The following ABCC9 variants were observed in gnomAD, a reference collection of about 807,000 sequenced individuals.
ABCC9 encodes ATP binding cassette subfamily C member 9, also known as ATP-binding cassette sub-family C member 9.
A neutral mutation model predicts 188.3 loss-of-function variants in ABCC9; 95 were observed. The ratio of observed to expected loss-of-function variants is 0.50; its 90% CI spans 0.43 to 0.60. The LOEUF (loss-of-function observed/expected upper bound fraction) is 0.60, where lower values mean the gene tolerates loss of function less well. Ranked by LOEUF, ABCC9 falls within the 20% of genes least tolerant of loss-of-function variation. The pLI is 0.00. For synonymous variants in ABCC9, 659 were observed against 652.7 expected (o/e 1.01, Z -0.15); for missense variants, 1,102 against 1,876.3 (o/e 0.59, Z 7.62).
intron 13 of ABCC9, among the ~76,000 whole-genome samples, 153 bp from the exon 14 acceptor site, chr12:21,894,327 A>G (rs1947302442): frequency 6.6e-6 from 1 of 152,218 alleles, no homozygotes. Context: ...AATTAAAACA[A>G]TACTTGCTTT....
chr12:21,928,388 AGAGGAAGGGAGG>A (rs1323774269), intron 4 of ABCC9, among the ~76,000 whole-genome samples: 1 of 144,982 alleles, frequency 6.9e-6, no homozygotes, highest in African/African-American at 2.6e-5. Context: ...GAGAAAGAAA[AGAGGAAGGGAGG>A]GAGGGAGGAA....
At chr12:21,894,256 T>C in intron 13 of ABCC9, 82 bp from the exon 14 acceptor site, 1 of 1,455,050 alleles carries the variant, frequency 6.9e-7, no homozygotes, top group Non-Finnish European at 9.6e-7. Flanking sequence ...ACCTAACATA[T>C]TCTGCTATGC....
chr12:21,928,902 G>C (rs1484483609), intron 4 of ABCC9, among the ~76,000 whole-genome samples: 1 of 152,096 alleles, frequency 6.6e-6, no homozygotes, highest in Admixed American at 6.6e-5. Context: ...TTTAGAGTAT[G>C]ATTTGCACAC....
rs1234670723 is a variant in ABCC9, at chr12:21,875,732, A to G, written c.2020-6T>C. 6.3e-7 allele frequency: 1 copy of G among 1,598,122 alleles called. No individual in the cohort carries two copies. Among genetic ancestry groups the G allele is most frequent in the Non-Finnish European group, 8.6e-7 (1 of 1,165,752 alleles). ...GAAAAGTATCCATTTGTGACCTACA[A>G]AATAAAAATACAGAAATTAAATTAT... is the stretch of plus-strand genomic sequence containing the variant. On this transcript the variant is annotated splice_polypyrimidine_tract_variant and splice_region_variant and intron_variant, in intron 16 of 39. Transcript: ENST00000261200.
At position 21,934,004 on chromosome 12, in the gene ABCC9, A is replaced by C. The variant is rs71530933; in HGVS notation, c.143-81T>G. 0.031 allele frequency: 46,810 copies of C among 1,522,562 alleles called. 856 individuals are homozygous for C. The highest frequency in any genetic ancestry group is 0.064 in the Middle Eastern group (376 of 5,888). 94.3% of individuals were successfully genotyped at this position (1,522,562 alleles called of 1,614,324 possible). ...AATAAACATAATTTAAATTATGATA[A>C]GCTTTAAGGCAGGGGTGGGGGGGTC... On this transcript the variant is annotated intron_variant, in intron 3 of 39. Transcript: ENST00000261200.
chr12:21,926,606 T>G (rs940817929), intron 4 of ABCC9, among the ~76,000 whole-genome samples: 5 of 152,124 alleles, frequency 3.3e-5, no homozygotes, highest in Admixed American at 6.5e-5. Context: ...AATAGGAAAT[T>G]ACAACACAGC....
chr12:21,849,115 A>G (rs1406814317), intron 24 of ABCC9, among the ~76,000 whole-genome samples: 1 of 152,124 alleles, frequency 6.6e-6, no homozygotes, highest in Non-Finnish European at 1.5e-5. Flanking sequence ...TCTGAATTCT[A>G]AACAACTAAC....
At position 21,805,930 on chromosome 12, in the gene ABCC9, A is replaced by G. The variant is rs1941806621; in HGVS notation, c.4512+68T>C. 2.0e-6 allele frequency: 3 copies of G among 1,467,082 alleles called. No homozygotes were observed. In the African/African-American group the frequency reaches 4.2e-5, roughly 20 times the overall value. The allele number at this position is 1,467,082 out of a possible 1,614,324, so 90.9% of individuals were successfully genotyped here. On this transcript the variant is annotated intron_variant, in intron 39 of 39. Transcript: ENST00000261200. ...TTCAACACAAGTATATTTTGCTAAA[A>G]CCTAAAGATGATAACATGTTAGAAC... is the stretch of plus-strand genomic sequence containing the variant.
intron 31 of ABCC9, chr12:21,828,580 C>T (rs199663812): frequency 3.3e-5 from 10 of 304,808 alleles, no homozygotes; most frequent in Non-Finnish European, 5.8e-5. Flanking sequence ...TGGCTTAAAA[C>T]GTAGAAAGTT....
At chr12:21,920,339 T>C (rs1469096984) in intron 5 of ABCC9, among the ~76,000 whole-genome samples, 1 of 151,948 alleles carries the variant, frequency 6.6e-6, no homozygotes, top group Non-Finnish European at 1.5e-5. Context: ...ATACAGAAAA[T>C]CTTAGGAAAC....
intron 2 of ABCC9, chr12:21,937,885 C>T (rs564408269): frequency 2.6e-5 from 4 of 152,240 alleles, no homozygotes; most frequent in Admixed American, 6.5e-5. Context: ...AAGAAGCTAT[C>T]GTATCTATTC....
chr12:21,851,201 C>T (rs1944947806), intron 24 of ABCC9, among the ~76,000 whole-genome samples: 1 of 152,064 alleles, frequency 6.6e-6, no homozygotes, highest in Admixed American at 6.6e-5. Flanking sequence ...TTTGTACTCC[C>T]AACTCAAGAA....
chr12:21,817,159 G>A, intron 33 of ABCC9, 28 bp downstream of exon 33: 1 of 1,607,804 alleles, frequency 6.2e-7, no homozygotes, highest in Non-Finnish European at 8.5e-7. Context: ...AAATATTTAA[G>A]TGAGACAAAC....
chr12:21,804,667 T>G (rs952358219), intron 39 of ABCC9, among the ~76,000 whole-genome samples: 1 of 152,216 alleles, frequency 6.6e-6, no homozygotes, highest in Non-Finnish European at 1.5e-5. Context: ...AAGTAGGCCC[T>G]GATGGGACAT....
chr12:21,907,353 A>G (rs577806861), intron 11 of ABCC9, among the ~76,000 whole-genome samples: 4 of 152,184 alleles, frequency 2.6e-5, no homozygotes, highest in Admixed American at 2.0e-4. Flanking sequence ...TTGTCATAGT[A>G]GAAACACGAA....
chr12:21,901,283 C>G (rs1029885778), intron 12 of ABCC9, among the ~76,000 whole-genome samples: 2 of 152,118 alleles, frequency 1.3e-5, no homozygotes, highest in Middle Eastern at 3.2e-3. Flanking sequence ...CAGACCTGCC[C>G]TACAAGAGCT....
chr12:21,842,792 G>A (rs1944461656), intron 28 of ABCC9, among the ~76,000 whole-genome samples: 1 of 152,130 alleles, frequency 6.6e-6, no homozygotes, highest in African/African-American at 2.4e-5. Context: ...CCATGGCAGT[G>A]CATACAAATC....
At position 21,875,666 on chromosome 12, in the gene ABCC9, G is replaced by T; in HGVS notation, c.2080C>A (p.Arg694=). 1.2e-6 allele frequency: 2 copies of T among 1,610,624 alleles called. No individual in the cohort carries two copies. Among genetic ancestry groups the T allele is most frequent in the African/African-American group, 1.3e-5 (1 of 74,932 alleles). The stretch of plus-strand genomic sequence containing the variant: ...AGATAACTCTTACCTGTTGGAATTC[G>T]AATATCTATATTGGATAATGTAGCT... ...GLATLSNIDI[R]IPTGQLTMIV... is the part of the protein sequence containing the mutation. Residue 694 remains arginine, a synonymous_variant, in exon 17 of 40, where the codon CGA becomes AGA. Transcript: ENST00000261200.
intron 16 of ABCC9, among the ~76,000 whole-genome samples, chr12:21,878,472 G>A (rs887617358): frequency 6.6e-6 from 1 of 152,124 alleles, no homozygotes; most frequent in Non-Finnish European, 1.5e-5. Flanking sequence ...TACAGGTGAG[G>A]TTGTGTAAAT....
Sources: allele counts gnomAD v4.1 joint callset (sites outside exome capture counted in the v4.1 genomes callset), GRCh38; gene constraint gnomAD v4.1.1; transcripts MANE v1.5; gene names NCBI Gene and HGNC (gene_info 2026-07-23, HGNC 2026-07-21).